The following SPATA3 variants were observed in gnomAD, a reference collection of about 807,000 sequenced individuals.
SPATA3 encodes the protein spermatogenesis associated 3.
In SPATA3, 6 loss-of-function variants were observed where a neutral mutation model predicts 5.7. The ratio of observed to expected loss-of-function variants is 1.06; its 90% CI spans 0.58 to 2.09. SPATA3 has a LOEUF of 2.09. SPATA3 is among the 30% of genes most tolerant of loss of function. The pLI is 0.00. For synonymous variants in SPATA3, 44 were observed against 48.4 expected, an observed-to-expected ratio of 0.91 and a Z score of 0.37; for missense variants, 155 against 130.4, an observed-to-expected ratio of 1.19 and a Z score of -0.92.
At chr2:231,001,886 A>T (rs1692365501) in intron 2 of SPATA3, among the ~76,000 whole-genome samples, 1 of 152,206 alleles carries the variant, frequency 6.6e-6, no homozygotes, top group Non-Finnish European at 1.5e-5. Context: ...TCCAACAGGA[A>T]CAGGCTCCAA....
chr2:231,012,492 T>C (rs2175149), intron 4 of SPATA3: 66,776 of 152,108 alleles, frequency 0.44, 15,749 homozygotes, highest in African/African-American at 0.59. Context: ...AATCTGATTA[T>C]ACCCTGGACA....
downstream of SPATA3, among the ~76,000 whole-genome samples, chr2:231,006,012 AAAAG>A (rs1476696361): frequency 6.6e-6 from 1 of 151,368 alleles, no homozygotes; most frequent in African/African-American, 2.4e-5. Flanking sequence ...AAAAAAAAAA[AAAAG>A]AGAAAGAAGA....
At chr2:231,008,962 A>G (rs1043259686), downstream of SPATA3, among the ~76,000 whole-genome samples, 9 of 152,062 alleles carry the variant, frequency 5.9e-5, no homozygotes, top group Non-Finnish European at 1.2e-4. Context: ...GTCTCCCCAC[A>G]GCAAACGGCA....
intron 1 of SPATA3, 145 bp from the exon 2 acceptor site, chr2:231,000,215 CAATGAT>C: frequency 1.5e-6 from 1 of 675,860 alleles, no homozygotes; most frequent in Non-Finnish European, 2.3e-6. Flanking sequence ...CCCAAATCCT[CAATGAT>C]GCCTTGGAAA....
chr2:231,005,528 A>ACTG (rs1419940702), downstream of SPATA3, among the ~76,000 whole-genome samples: 2 of 30,840 alleles, frequency 6.5e-5, no homozygotes, highest in African/African-American at 1.4e-4. Context: ...CACCACCACC[A>ACTG]CCATCATCAC....
downstream of SPATA3, among the ~76,000 whole-genome samples, chr2:231,005,414 AG>A (rs1246021001): frequency 9.8e-6 from 1 of 102,114 alleles, no homozygotes; most frequent in African/African-American, 3.9e-5. Flanking sequence ...CACCAGTATC[AG>A]CATCATCACC....
Position 230,996,444 on chromosome 2 carries a change from G to A in SPATA3, c.791-3922G>A, listed in dbSNP as rs993305795. On this transcript the variant is annotated intron_variant, in intron 1 of 2. Coordinates refer to ENST00000645363, the Ensembl canonical transcript of SPATA3. ...CACCTCCCGGCAGCCAGCATTCCAA[G>A]CCCTTCCAGCACCCGAAATCCGCCG... 2.0e-5 allele frequency: 31 copies of A among 1,552,192 alleles called. No homozygotes were observed. In the Admixed American group the frequency reaches 6.1e-4, roughly 30 times the overall value.
At chr2:231,003,577 C>G (rs566426363), downstream of SPATA3, among the ~76,000 whole-genome samples, 1 of 152,306 alleles carries the variant, frequency 6.6e-6, no homozygotes, top group East Asian at 1.9e-4. Flanking sequence ...AGGGGAGAGA[C>G]TTGCCCTCTG....
intron 1 of SPATA3, chr2:230,996,293 G>A: frequency 1.3e-6 from 2 of 1,551,464 alleles, no homozygotes; most frequent in Non-Finnish European, 1.7e-6. Flanking sequence ...CCACCTCCCA[G>A]CATGCTAGCT....
At chr2:231,000,677 T>C (rs1406027401) in intron 2 of SPATA3, 140 bp downstream of exon 2, 1 of 1,014,748 alleles carries the variant, frequency 9.9e-7, no homozygotes, top group Non-Finnish European at 1.3e-6. Flanking sequence ...CCTCTTTGCT[T>C]TGCCCACTTC....
downstream of SPATA3, among the ~76,000 whole-genome samples, chr2:231,010,585 C>A (rs1692755312): frequency 6.6e-6 from 1 of 152,116 alleles, no homozygotes; most frequent in Non-Finnish European, 1.5e-5. Context: ...TCTATGGCAT[C>A]TTGGGAAAGG....
At chr2:231,018,620 T>G (rs1692991078) in intron 6 of SPATA3, among the ~76,000 whole-genome samples, 1 of 152,192 alleles carries the variant, frequency 6.6e-6, no homozygotes, top group Admixed American at 6.6e-5. Context: ...GGGAGAGATA[T>G]TCTACACCCC....
At chr2:231,012,143 A>G (rs1692804486), downstream of SPATA3, among the ~76,000 whole-genome samples, 2 of 152,210 alleles carry the variant, frequency 1.3e-5, no homozygotes. Flanking sequence ...AAAGTGTCCA[A>G]GGCAGAGAGC....
downstream of SPATA3, among the ~76,000 whole-genome samples, chr2:231,011,945 G>GTC (rs1442617952): frequency 2.3e-4 from 35 of 152,230 alleles, no homozygotes; most frequent in Non-Finnish European, 5.1e-4. Flanking sequence ...ACCTCAGCCA[G>GTC]TCACAGGGGG....
intron 1 of SPATA3, among the ~76,000 whole-genome samples, chr2:230,997,076 T>C (rs1261302029): frequency 6.6e-6 from 1 of 152,182 alleles, no homozygotes; most frequent in Non-Finnish European, 1.5e-5. Context: ...GTGAATAGAC[T>C]TGTTCCTTAT....
chr2:231,015,691 C>T (rs1049747632), intron 6 of SPATA3, among the ~76,000 whole-genome samples: 2 of 152,232 alleles, frequency 1.3e-5, no homozygotes, highest in African/African-American at 2.4e-5. Flanking sequence ...TAGGCACCCT[C>T]GGCCTGCAGC....
intron 1 of SPATA3, 129 bp from the exon 2 acceptor site, chr2:231,000,237 C>T: frequency 1.2e-6 from 1 of 843,226 alleles, no homozygotes; most frequent in Middle Eastern, 3.8e-4. Context: ...GGAAAAAATC[C>T]AGCGTTCGCC....
chr2:231,006,840 G>A (rs1406063754), downstream of SPATA3: 2 of 152,188 alleles, frequency 1.3e-5, no homozygotes, highest in Non-Finnish European at 2.9e-5. Flanking sequence ...CTGAAGGTGA[G>A]GCCCTAAAAG....
At chr2:231,019,458 G>A (rs6745062) in intron 6 of SPATA3, among the ~76,000 whole-genome samples, 39,609 of 146,880 alleles carry the variant, frequency 0.27, 6,281 homozygotes, top group East Asian at 0.32. Context: ...CGAGTAGCTG[G>A]GACTACAGGC....
Sources: gnomAD v4.1 joint callset for allele counts (sites outside exome capture counted in the v4.1 genomes callset) on GRCh38, gnomAD v4.1.1 for gene constraint, MANE v1.5 for transcripts, NCBI Gene and HGNC (gene_info 2026-07-23, HGNC 2026-07-21) for gene names.